The following MGAT5 variants were observed in gnomAD, a reference collection of about 807,000 sequenced individuals.
The protein encoded by MGAT5 is alpha-1,6-mannosylglycoprotein 6-beta-N-acetylglucosaminyltransferase A.
A neutral mutation model predicts 94.3 loss-of-function variants in MGAT5; 30 were observed. The ratio of observed to expected loss-of-function variants is 0.32; its 90% CI spans 0.24 to 0.43. The LOEUF is 0.43. Ranked by LOEUF, MGAT5 falls within the 20% of genes least tolerant of loss-of-function variation. The pLI is 1.00. For synonymous variants in MGAT5, 310 were observed against 322.9 expected (o/e 0.96, Z 0.43); for missense variants, 691 against 905.5 (o/e 0.76, Z 3.04).
intron 14 of MGAT5, among the ~76,000 whole-genome samples, chr2:134,435,145 G>A (rs1685101984): frequency 6.6e-6 from 1 of 152,100 alleles, no homozygotes; most frequent in Admixed American, 6.5e-5. Flanking sequence ...CCTCTTCCCG[G>A]AAATCTCCAG....
intron 1 of MGAT5, among the ~76,000 whole-genome samples, chr2:134,134,801 C>T (rs1686333124): frequency 6.6e-6 from 1 of 152,208 alleles, no homozygotes; most frequent in Non-Finnish European, 1.5e-5. Context: ...AGTTGTGTAT[C>T]ACAAAATGTT....
At chr2:134,191,279 C>T (rs1288295116) in intron 1 of MGAT5, among the ~76,000 whole-genome samples, 1 of 152,274 alleles carries the variant, frequency 6.6e-6, no homozygotes, top group African/African-American at 2.4e-5. Context: ...AATGTGTCCT[C>T]CAAAGTTCAT....
intron 10 of MGAT5, among the ~76,000 whole-genome samples, chr2:134,383,742 C>T (rs1681778416): frequency 6.7e-6 from 1 of 150,172 alleles, no homozygotes; most frequent in South Asian, 2.1e-4. Context: ...CTCACTGTGT[C>T]GCCCAGGCTG....
intron 13 of MGAT5, among the ~76,000 whole-genome samples, chr2:134,426,069 T>C (rs1574075000): frequency 6.6e-6 from 1 of 152,094 alleles, no homozygotes; most frequent in East Asian, 1.9e-4. Flanking sequence ...AACTGCCCGC[T>C]CTCCCAGCCC....
intron 4 of MGAT5, among the ~76,000 whole-genome samples, chr2:134,334,496 C>CTTTTTTT (rs59933611): frequency 0.018 from 627 of 34,120 alleles, 138 homozygotes; most frequent in East Asian, 0.084. Context: ...CTTGCTCATC[C>CTTTTTTT]TTTTTTTTTT....
At chr2:134,154,174 G>T (rs1378627453) in intron 1 of MGAT5, among the ~76,000 whole-genome samples, 2 of 152,152 alleles carry the variant, frequency 1.3e-5, no homozygotes, top group African/African-American at 4.8e-5. Flanking sequence ...TAATGAGGAG[G>T]AATTTGGGAG....
At chr2:134,233,352 C>A (rs1192744564) in intron 1 of MGAT5, among the ~76,000 whole-genome samples, 1 of 152,150 alleles carries the variant, frequency 6.6e-6, no homozygotes, top group Non-Finnish European at 1.5e-5. Context: ...CCAGAAAATT[C>A]TTTGAAGTAG....
At chr2:134,322,812 G>C (rs1441107940) in intron 4 of MGAT5, among the ~76,000 whole-genome samples, 1 of 152,068 alleles carries the variant, frequency 6.6e-6, no homozygotes. Flanking sequence ...CTTGCAACTG[G>C]GGAGATGATT....
chr2:134,237,145 G>GTGTGTGTA (rs1681686198), intron 1 of MGAT5, among the ~76,000 whole-genome samples: 1 of 137,394 alleles, frequency 7.3e-6, no homozygotes, highest in Non-Finnish European at 1.6e-5. Context: ...GTGTGTGTGT[G>GTGTGTGTA]TGTGCGCGTG....
chr2:134,295,447 G>C (rs1685617091), intron 2 of MGAT5, among the ~76,000 whole-genome samples: 1 of 152,124 alleles, frequency 6.6e-6, no homozygotes, highest in African/African-American at 2.4e-5. Context: ...TGCGAAATAA[G>C]TTATAATTGG....
rs146303026 is a variant in MGAT5 at position 134,225,065 on chromosome 2, G to A, written c.-142-29197G>A. On this transcript the variant is annotated intron_variant, in intron 1 of 16. Transcript: ENST00000409645. Reference sequence around the variant, plus strand: ...CAAGCCAGCCTGGGTGACAGAGTGAGACCCTGTCTCACAAAAAAAAAAAAA... The same window carrying A: ...CAAGCCAGCCTGGGTGACAGAGTGAAACCCTGTCTCACAAAAAAAAAAAAA... 9.5e-5 allele frequency among the ~76,000 whole-genome samples: 11 copies of A among 115,960 alleles called. No individual in the cohort carries two copies. In the East Asian group the frequency reaches 2.6e-3, roughly 28 times the overall value. 76.1% of individuals were successfully genotyped at this position (115,960 alleles called of 152,430 possible).
intron 1 of MGAT5, among the ~76,000 whole-genome samples, chr2:134,175,702 A>G (rs2105140271): frequency 6.6e-6 from 1 of 152,154 alleles, no homozygotes; most frequent in Middle Eastern, 3.4e-3. Flanking sequence ...TTCCCATAAT[A>G]CTTCATCATA....
At chr2:134,438,811 C>G (rs1265777182) in intron 14 of MGAT5, among the ~76,000 whole-genome samples, 1 of 152,208 alleles carries the variant, frequency 6.6e-6, no homozygotes. Context: ...CACTCACCCA[C>G]TGTGCATCAT....
chr2:134,297,528 G>T (rs1269109313), intron 2 of MGAT5, among the ~76,000 whole-genome samples: 1 of 152,034 alleles, frequency 6.6e-6, no homozygotes, highest in Non-Finnish European at 1.5e-5. Flanking sequence ...CATATGAAAA[G>T]GGTTATATAT....
intron 2 of MGAT5, among the ~76,000 whole-genome samples, chr2:134,295,813 A>G (rs922772623): frequency 1.3e-5 from 2 of 152,078 alleles, no homozygotes; most frequent in East Asian, 3.9e-4. Context: ...TTAATATAAC[A>G]GATACTCCCC....
At chr2:134,398,353 G>A (rs2106278488) in intron 10 of MGAT5, among the ~76,000 whole-genome samples, 1 of 152,304 alleles carries the variant, frequency 6.6e-6, no homozygotes, top group Admixed American at 6.5e-5. Flanking sequence ...CCTGGAGAGG[G>A]ATTGACAGCA....
chr2:134,448,517 A>G (rs1350185592), intron 15 of MGAT5, 132 bp from the exon 16 acceptor site: 8 of 826,868 alleles, frequency 9.7e-6, no homozygotes, highest in Non-Finnish European at 1.7e-5. Context: ...GGTGGGCACC[A>G]TTTCATTTCT....
intron 1 of MGAT5, among the ~76,000 whole-genome samples, chr2:134,171,370 G>C (rs184791410): frequency 4.6e-5 from 7 of 152,266 alleles, no homozygotes; most frequent in Admixed American, 2.0e-4. Flanking sequence ...ATGTAGGCTA[G>C]TCCGGAAAGC....
chr2:134,120,773 C>A (rs1477987705), intron 1 of MGAT5, among the ~76,000 whole-genome samples: 1 of 151,830 alleles, frequency 6.6e-6, no homozygotes, highest in African/African-American at 2.4e-5. Flanking sequence ...CGGGCTCGGC[C>A]AGGGGCCAGT....
Sources: gnomAD v4.1 joint callset for allele counts (sites outside exome capture counted in the v4.1 genomes callset) on GRCh38, gnomAD v4.1.1 for gene constraint, MANE v1.5 for transcripts, NCBI Gene and HGNC (gene_info 2026-07-23, HGNC 2026-07-21) for gene names.